Variants in SPNS3 observed in about 807,000 individuals in gnomAD.
SPNS3 encodes the protein SPNS lysolipid transporter 3, sphingosine-1-phosphate (putative).
SPNS3 carries 51 observed loss-of-function variants against 54.4 expected under a neutral mutation model. That is an observed-to-expected ratio of 0.94 (90% CI 0.75 to 1.18). The LOEUF (loss-of-function observed/expected upper bound fraction) is 1.18. Ranked by LOEUF, SPNS3 falls within the 50% of genes most tolerant of loss-of-function variation. The pLI is 0.00. For missense variants in SPNS3, 669 were observed against 677.4 expected (o/e 0.99, Z 0.14); for synonymous variants, 309 against 294.7 (o/e 1.05, Z -0.50).
chr17:4,467,510 C>T (rs1037308367), intron 8 of SPNS3, among the ~76,000 whole-genome samples: 2 of 152,070 alleles, frequency 1.3e-5, no homozygotes, highest in African/African-American at 4.8e-5. Flanking sequence ...CATCCTTCTC[C>T]GTGTGGCCGT....
chr17:4,447,052 C>G, intron 5 of SPNS3, 90 bp downstream of exon 5: 1 of 1,398,360 alleles, frequency 7.2e-7, no homozygotes, highest in Non-Finnish European at 9.8e-7. Flanking sequence ...CTTGGCGTAG[C>G]ACCCGGCGCC....
At chr17:4,464,682 T>A (rs1597328765) in intron 8 of SPNS3, among the ~76,000 whole-genome samples, 1 of 152,294 alleles carries the variant, frequency 6.6e-6, no homozygotes, top group Middle Eastern at 3.4e-3. Flanking sequence ...TGTTCTTTTT[T>A]ATTTTTTTAT....
chr17:4,450,823 G>A (rs1482203512), intron 7 of SPNS3, among the ~76,000 whole-genome samples: 1 of 150,088 alleles, frequency 6.7e-6, no homozygotes, highest in Non-Finnish European at 1.5e-5. Flanking sequence ...GGGCAGGCTG[G>A]TCTCGGACTC....
At chr17:4,469,620 C>CAA (rs551056606) in intron 8 of SPNS3, among the ~76,000 whole-genome samples, 5,192 of 66,498 alleles carry the variant, frequency 0.078, 314 homozygotes, top group Middle Eastern at 0.16. Context: ...GACTCCATCT[C>CAA]AAAAAAAAAA....
intron 8 of SPNS3, among the ~76,000 whole-genome samples, chr17:4,477,180 G>T (rs537616745): frequency 2.0e-5 from 3 of 152,210 alleles, no homozygotes; most frequent in South Asian, 4.1e-4. Context: ...GGTGGGGGGC[G>T]CTCACCAGGA....
At chr17:4,448,416 C>CA in intron 6 of SPNS3, 113 bp downstream of exon 6, 2 of 1,055,550 alleles carry the variant, frequency 1.9e-6, no homozygotes, top group Non-Finnish European at 2.6e-6. Flanking sequence ...TCCCAGTGTT[C>CA]ACAGCCCTCC....
At chr17:4,484,172 G>A (rs1045154340) in intron 9 of SPNS3, among the ~76,000 whole-genome samples, 1 of 152,216 alleles carries the variant, frequency 6.6e-6, no homozygotes, top group African/African-American at 2.4e-5. Flanking sequence ...TTCAGGCTGG[G>A]TGATGTTGGG....
At chr17:4,487,747 C>A in intron 11 of SPNS3, 59 bp from the exon 12 acceptor site, 1 of 1,529,634 alleles carries the variant, frequency 6.5e-7, no homozygotes, top group Non-Finnish European at 9.1e-7. Context: ...CAGGCCCAGG[C>A]CTGGTCCCAA....
In SPNS3 at chr17:4,439,953, G is replaced by A. The variant is rs1215388128; in HGVS notation, c.265+230G>A. Among the ~76,000 whole-genome samples the A allele has an allele frequency of 3.3e-5, 5 of 152,154 alleles. No homozygotes were observed. The South Asian group carries it at 8.3e-4, about 25-fold the overall frequency. Reference sequence around the variant, plus strand: ...GCCGCGGGAGAGCAGGGGGAGGTGGGGCTGGGAGAGGTCCCTCAGCCTCAG... The same window carrying A: ...GCCGCGGGAGAGCAGGGGGAGGTGGAGCTGGGAGAGGTCCCTCAGCCTCAG... On this transcript the variant is annotated intron_variant, in intron 2 of 11. Transcript: ENST00000355530.
intron 8 of SPNS3, among the ~76,000 whole-genome samples, chr17:4,458,309 TTTC>T (rs1971369645): frequency 6.6e-6 from 1 of 151,824 alleles, no homozygotes; most frequent in Non-Finnish European, 1.5e-5. Flanking sequence ...TTGCTTTTTC[TTTC>T]TTTTCTTTTC....
At position 4,486,252 on chromosome 17, in the gene SPNS3, G is replaced by A. The variant is rs1441677118; in HGVS notation, c.1204G>A (p.Gly402Arg). ...LLSVVVPRCR[G>R]TAEALQITVG... ...GTCTGTGGTGGTGCCCAGATGCCGG[G>A]GGACGGCAGAGGCACTTCAGATCAC... Residue 402 changes from glycine (G) to arginine (R), a missense_variant, in exon 10 of 12, where the codon GGG becomes AGG. Gly to Arg is a moderately radical substitution (Grantham distance 125). Transcript: ENST00000355530. The surrounding 1 kb of genome is among the most constrained non-coding windows in gnomAD (Gnocchi z 5.5). The A allele has an allele frequency of 6.4e-7, 1 of 1,570,458 alleles. No homozygotes were observed. Among genetic ancestry groups the A allele is most frequent in the Non-Finnish European group, 8.6e-7 (1 of 1,162,016 alleles).
intron 8 of SPNS3, among the ~76,000 whole-genome samples, chr17:4,463,407 A>AAAAAC (rs1555531340): frequency 2.5e-4 from 36 of 143,948 alleles, no homozygotes; most frequent in Admixed American, 6.2e-4. Context: ...AAAAAAAAAA[A>AAAAAC]AAAACAAAAC....
At chr17:4,455,195 T>G (rs567095766) in intron 8 of SPNS3, among the ~76,000 whole-genome samples, 1 of 152,198 alleles carries the variant, frequency 6.6e-6, no homozygotes, top group Non-Finnish European at 1.5e-5. Context: ...ATTACAGGTG[T>G]GAGCCATCAC....
chr17:4,477,871 A>G (rs1366257315), intron 8 of SPNS3, among the ~76,000 whole-genome samples: 3 of 151,474 alleles, frequency 2.0e-5, no homozygotes, highest in African/African-American at 7.3e-5. Flanking sequence ...GTGCCTTATC[A>G]GTGTATACGG....
chr17:4,439,392 C>T (rs1377757098), intron 1 of SPNS3, among the ~76,000 whole-genome samples: 1 of 152,200 alleles, frequency 6.6e-6, no homozygotes, highest in Non-Finnish European at 1.5e-5. Flanking sequence ...TCCCAAACTG[C>T]TGAGATTACA....
chr17:4,453,239 G>T, intron 8 of SPNS3, 34 bp downstream of exon 8: 7 of 1,577,556 alleles, frequency 4.4e-6, no homozygotes, highest in Non-Finnish European at 6.0e-6. Flanking sequence ...TGGGGACAGG[G>T]TTGGGGGGCG....
chr17:4,444,462 A>G (rs1212565167), intron 2 of SPNS3, among the ~76,000 whole-genome samples: 2 of 151,708 alleles, frequency 1.3e-5, no homozygotes, highest in African/African-American at 2.4e-5. Flanking sequence ...AGCTCAGGCA[A>G]TCTGCCCGCC....
At chr17:4,465,450 A>G (rs1321688250) in intron 8 of SPNS3, among the ~76,000 whole-genome samples, 1 of 152,018 alleles carries the variant, frequency 6.6e-6, no homozygotes, top group Non-Finnish European at 1.5e-5. Flanking sequence ...ACTCTAGGCC[A>G]TGCGCAGTGG....
chr17:4,438,300 A>ACCT, intron 1 of SPNS3, among the ~76,000 whole-genome samples: 1 of 152,256 alleles, frequency 6.6e-6, no homozygotes, highest in African/African-American at 2.4e-5. Flanking sequence ...CAGACGGGCA[A>ACCT]CCTTGGGCCG....
Sources: allele counts gnomAD v4.1 joint callset (sites outside exome capture counted in the v4.1 genomes callset), GRCh38; gene constraint gnomAD v4.1.1; non-coding constraint Gnocchi (gnomAD v3.1); transcripts MANE v1.5; gene names NCBI Gene and HGNC (gene_info 2026-07-23, HGNC 2026-07-21).